Variants in CFAP221 observed in about 807,000 individuals in gnomAD.
CFAP221 encodes the protein cilia- and flagella-associated protein 221.
A neutral mutation model predicts 113.1 loss-of-function variants in CFAP221; 97 were observed. The ratio of observed to expected loss-of-function variants is 0.86; its 90% CI spans 0.73 to 1.02. The LOEUF is 1.02. CFAP221 is among the 50% of genes least tolerant of loss of function. The pLI is 0.00. For synonymous variants in CFAP221, 331 were observed against 354.4 expected (o/e 0.93, Z 0.74); for missense variants, 1,025 against 1,013.4 (o/e 1.01, Z -0.16).
downstream of CFAP221, among the ~76,000 whole-genome samples, chr2:119,657,249 A>C (rs985245376): frequency 6.6e-6 from 1 of 152,228 alleles, no homozygotes; most frequent in African/African-American, 2.4e-5. Flanking sequence ...AATAGCTGGT[A>C]TCAGACTGTA....
At chr2:119,652,402 G>A (rs949097213) in intron 23 of CFAP221, among the ~76,000 whole-genome samples, 6 of 152,186 alleles carry the variant, frequency 3.9e-5, no homozygotes, top group African/African-American at 7.2e-5. Context: ...GAGCTGCACC[G>A]TTTGTACATA....
intron 7 of CFAP221, among the ~76,000 whole-genome samples, chr2:119,599,183 C>T (rs930212157): frequency 1.4e-4 from 22 of 152,126 alleles, no homozygotes; most frequent in African/African-American, 4.6e-4. Context: ...TGACGAAGAC[C>T]TATTTCTAAA....
At chr2:119,621,991 C>A (rs1233651720) in intron 14 of CFAP221, among the ~76,000 whole-genome samples, 8 of 150,858 alleles carry the variant, frequency 5.3e-5, no homozygotes, top group African/African-American at 1.9e-4. Context: ...GACAAGCTAG[C>A]AGCAGACAAA....
chr2:119,549,463 T>A (rs79793810), intron 3 of CFAP221, among the ~76,000 whole-genome samples: 2 of 152,250 alleles, frequency 1.3e-5, no homozygotes, highest in Non-Finnish European at 2.9e-5. Context: ...ATGATTTACA[T>A]GATTTAATTT....
chr2:119,633,107 A>G lies in CFAP221; in HGVS notation c.1974+2206A>G, dbSNP rs181322321. Among the ~76,000 whole-genome samples, 4 of 152,200 alleles carry G rather than the reference A, an allele frequency of 2.6e-5. No homozygotes were observed. In the East Asian group the frequency reaches 7.7e-4, roughly 29 times the overall value. ...ACAAAGGTCAGAGGTAATTCATTAG[A>G]GAAAAGATAATCTTTCAACAAATAA... On this transcript the variant is annotated intron_variant, in intron 19 of 23. Coordinates refer to ENST00000413369, the MANE Select transcript of CFAP221 (RefSeq NM_001271049.2).
At position 119,638,339 on chromosome 2, in the gene CFAP221, C is replaced by T. The variant is rs987672675; in HGVS notation, c.2055C>T (p.His685=). The change falls in exon 20 of 24, where the codon CAC becomes CAT. Residue 685 remains histidine (H), a synonymous_variant. Transcript: ENST00000413369. The stretch of plus-strand genomic sequence containing the variant: ...TGATAGATTACCATCTATGCTCTCA[C>T]CCCAAGTACAAATTCACCAAAGAGT... ...ETLIDYHLCS[H]PKYKFTKESR... is the part of the protein sequence containing the mutation. 2 of 1,614,108 alleles carry T rather than the reference C, an allele frequency of 1.2e-6. No homozygotes were observed. Among genetic ancestry groups the T allele is most frequent in the Admixed American group, 1.7e-5 (1 of 60,026 alleles).
intron 19 of CFAP221, 126 bp downstream of exon 19, chr2:119,631,027 G>A: frequency 6.9e-7 from 1 of 1,453,724 alleles, no homozygotes; most frequent in Non-Finnish European, 9.1e-7. Context: ...AACAATATCT[G>A]ACCTTTAATA....
intron 6 of CFAP221, among the ~76,000 whole-genome samples, chr2:119,571,116 A>G (rs1053675363): frequency 2.7e-5 from 4 of 149,924 alleles, no homozygotes; most frequent in African/African-American, 9.9e-5. Flanking sequence ...ACACCGTTAA[A>G]TTAGTATAAC....
rs761358556 is a variant in CFAP221 at position 119,646,961 on chromosome 2, C to T, written c.2229C>T (p.Cys743=). 12 of 1,613,012 alleles carry T rather than the reference C, an allele frequency of 7.4e-6. No individual in the cohort carries two copies. In the Admixed American group the frequency reaches 1.2e-4, roughly 16 times the overall value. ...TGCTTGTGTGGTTTTTCCACAGCTG[C>T]GATTCCTTCAATTCATTTATGCTTC... ...DPSKMETTKS[C]DSFNSFMLPI... is the part of the protein sequence containing the mutation. Residue 743 remains cysteine, a synonymous_variant, in exon 22 of 24, where the codon TGC becomes TGT. Coordinates refer to ENST00000413369, the MANE Select transcript of CFAP221 (RefSeq NM_001271049.2).
At chr2:119,627,969 A>T (rs1686457178) in intron 16 of CFAP221, among the ~76,000 whole-genome samples, 183 bp downstream of exon 16, 1 of 152,106 alleles carries the variant, frequency 6.6e-6, no homozygotes, top group Admixed American at 6.6e-5. Context: ...CTTGCTCCTG[A>T]TACACCTGCA....
At chr2:119,638,734 G>A (rs917340030) in intron 20 of CFAP221, among the ~76,000 whole-genome samples, 1 of 152,116 alleles carries the variant, frequency 6.6e-6, no homozygotes, top group Non-Finnish European at 1.5e-5. Flanking sequence ...ACAACCGTTG[G>A]TCTGACCTCC....
intron 21 of CFAP221, among the ~76,000 whole-genome samples, chr2:119,645,377 TA>T (rs1289052911): frequency 1.3e-5 from 2 of 151,960 alleles, no homozygotes; most frequent in Non-Finnish European, 2.9e-5. Flanking sequence ...CTTGGTCTTC[TA>T]ATGTATCCTT....
intron 3 of CFAP221, among the ~76,000 whole-genome samples, chr2:119,551,107 A>G (rs1384361693): frequency 2.0e-5 from 3 of 152,256 alleles, no homozygotes; most frequent in Non-Finnish European, 4.4e-5. Context: ...ATGGCTGAAC[A>G]GCATTCCATT....
At chr2:119,657,369 G>A (rs1347706478), downstream of CFAP221, among the ~76,000 whole-genome samples, 1 of 152,124 alleles carries the variant, frequency 6.6e-6, no homozygotes, top group African/African-American at 2.4e-5. Flanking sequence ...GCAAAGACAA[G>A]TGCTCACCTT....
At chr2:119,579,704 A>G (rs1010934712) in intron 6 of CFAP221, among the ~76,000 whole-genome samples, 1 of 152,224 alleles carries the variant, frequency 6.6e-6, no homozygotes, top group Admixed American at 6.5e-5. Flanking sequence ...TCAAATAATT[A>G]TTATTAAACA....
At chr2:119,652,680 G>T (rs902018441) in intron 23 of CFAP221, among the ~76,000 whole-genome samples, 1 of 152,080 alleles carries the variant, frequency 6.6e-6, no homozygotes, top group African/African-American at 2.4e-5. Context: ...TATAAAATGT[G>T]TTCCTCCTCA....
At chr2:119,563,809 A>G (rs886207182) in intron 6 of CFAP221, among the ~76,000 whole-genome samples, 2 of 152,160 alleles carry the variant, frequency 1.3e-5, no homozygotes, top group African/African-American at 4.8e-5. Flanking sequence ...GCTAAGAACA[A>G]CTCATACAGG....
intron 21 of CFAP221, 48 bp downstream of exon 21, chr2:119,639,920 T>C (rs1299466213): frequency 1.3e-6 from 2 of 1,496,688 alleles, no homozygotes; most frequent in Admixed American, 1.7e-5. Context: ...GCCCCATGTA[T>C]TACAGAGGCA....
intron 19 of CFAP221, 151 bp downstream of exon 19, chr2:119,631,052 T>G: frequency 7.3e-7 from 1 of 1,372,650 alleles, no homozygotes; most frequent in Non-Finnish European, 9.4e-7. Context: ...TTGCCAACCT[T>G]TATTTTTTGG....
Sources: gnomAD v4.1 joint callset for allele counts (sites outside exome capture counted in the v4.1 genomes callset) on GRCh38, gnomAD v4.1.1 for gene constraint, MANE v1.5 for transcripts, NCBI Gene and HGNC (gene_info 2026-07-23, HGNC 2026-07-21) for gene names.